NUP133: variants seen among roughly 807,000 people sequenced by gnomAD.
NUP133 encodes nuclear pore complex protein Nup133.
Under a neutral mutation model 146.2 loss-of-function variants are expected in NUP133, and 66 were observed. The ratio of observed to expected loss-of-function variants is 0.45; its 90% CI spans 0.37 to 0.55. NUP133 has a LOEUF of 0.55. NUP133 is among the 20% of genes least tolerant of loss of function. NUP133 has a pLI of 0.00. For synonymous variants in NUP133, 521 were observed against 498.8 expected (o/e 1.04, Z -0.59); for missense variants, 1,277 against 1,374.8 (o/e 0.93, Z 1.12).
At position 229,488,833 on chromosome 1, in the gene NUP133, C is replaced by T. The variant is rs147733640; in HGVS notation, c.1194+1122G>A. 3.6e-3 allele frequency among the ~76,000 whole-genome samples: 542 copies of T among 152,208 alleles called. 3 individuals are homozygous for T. The highest frequency in any genetic ancestry group is 9.2e-3 in the Admixed American group (140 of 15,286). Reference sequence around the variant, plus strand: ...CTGCACTCCAGTCCAAGCAACACAGCAAGACTTTATCTCTTCAAAAAATAA... The same window carrying T: ...CTGCACTCCAGTCCAAGCAACACAGTAAGACTTTATCTCTTCAAAAAATAA... On this transcript the variant is annotated intron_variant, in intron 9 of 25. Coordinates refer to ENST00000261396, the MANE Select transcript of NUP133 (RefSeq NM_018230.3).
chr1:229,474,865 G>A (rs1416360218), intron 14 of NUP133, among the ~76,000 whole-genome samples: 1 of 152,250 alleles, frequency 6.6e-6, no homozygotes, highest in East Asian at 1.9e-4. Context: ...CACCTTGGGA[G>A]GCTGAAGTGC....
chr1:229,498,637 T>G (rs975605057), intron 5 of NUP133, among the ~76,000 whole-genome samples: 2 of 151,928 alleles, frequency 1.3e-5, no homozygotes, highest in Non-Finnish European at 2.9e-5. Flanking sequence ...GCACCTGTAA[T>G]CCCAGCCACT....
chr1:229,501,525 C>T (rs1019678329), intron 3 of NUP133, among the ~76,000 whole-genome samples: 1 of 152,136 alleles, frequency 6.6e-6, no homozygotes, highest in African/African-American at 2.4e-5. Context: ...GCTGAGGATA[C>T]GTTACTAGAC....
intron 11 of NUP133, among the ~76,000 whole-genome samples, chr1:229,485,707 T>C (rs1158309374): frequency 6.6e-6 from 1 of 152,182 alleles, no homozygotes; most frequent in East Asian, 1.9e-4. Flanking sequence ...CTTAGATATA[T>C]GGAGAAAAAT....
At chr1:229,463,485 G>A in intron 19 of NUP133, 58 bp downstream of exon 19, 9 of 1,545,366 alleles carry the variant, frequency 5.8e-6, no homozygotes, top group Non-Finnish European at 7.8e-6. Context: ...AAATGGCAAA[G>A]CCATTTCAAG....
In NUP133 at chr1:229,460,758, G is replaced by A; in HGVS notation, c.2697C>T (p.Asp899=). 6.2e-7 allele frequency: 1 copy of A among 1,609,580 alleles called. No individual in the cohort carries two copies. The highest frequency in any genetic ancestry group is 8.5e-7 in the Non-Finnish European group (1 of 1,178,176). Residue 899 remains aspartate (D), a synonymous_variant, in exon 20 of 26, where the codon GAC becomes GAT. Coordinates refer to ENST00000261396, the MANE Select transcript of NUP133 (RefSeq NM_018230.3). The part of the protein sequence containing the change: ...MTQFADQNFS[D]FLFRWYLEKG... ...TCTCCAGATACCAACGGAAGAGAAA[G>A]TCTGAAAAATTCTACAAATAACAGA...
chr1:229,472,538 C>T (rs1026595049), intron 14 of NUP133, among the ~76,000 whole-genome samples: 1 of 150,762 alleles, frequency 6.6e-6, no homozygotes, highest in Non-Finnish European at 1.5e-5. Context: ...CAAAAAGTAG[C>T]TGATTTGGTG....
intron 8 of NUP133, among the ~76,000 whole-genome samples, chr1:229,490,934 G>A (rs1661497820): frequency 6.8e-6 from 1 of 147,676 alleles, no homozygotes; most frequent in South Asian, 2.2e-4. Flanking sequence ...CTGGGCGATA[G>A]AGTGACACCC....
chr1:229,472,880 C>T (rs1367627778), intron 14 of NUP133, among the ~76,000 whole-genome samples: 1 of 151,714 alleles, frequency 6.6e-6, no homozygotes, highest in Non-Finnish European at 1.5e-5. Flanking sequence ...TTACTTCCAC[C>T]CCCTTCAGAA....
At position 229,486,384 on chromosome 1, in the gene NUP133, C is replaced by T. The variant is rs1187026672; in HGVS notation, c.1487G>A (p.Gly496Glu). The T allele has an allele frequency of 6.3e-7, 1 of 1,583,380 alleles. No homozygotes were observed. ...LEGSLASSVAGPNSESMIFET... is the reference protein window; with the variant it reads ...LEGSLASSVAEPNSESMIFET... ...GAATCACATTACCTCACTGTTTGGT[C>T]CAGCAACTGAAGATGCTAAAGACCC... The change falls in exon 11 of 26, where the codon GGA becomes GAA. Residue 496 changes from glycine (G) to glutamate (E), a missense_variant. Transcript: ENST00000261396.
At chr1:229,463,153 C>A (rs1660729318) in intron 19 of NUP133, among the ~76,000 whole-genome samples, 1 of 152,124 alleles carries the variant, frequency 6.6e-6, no homozygotes, top group African/African-American at 2.4e-5. Context: ...CTTTGGGAGG[C>A]TGAAGCAGGA....
intron 14 of NUP133, among the ~76,000 whole-genome samples, chr1:229,472,967 T>C (rs1247376744): frequency 2.6e-5 from 4 of 151,816 alleles, no homozygotes; most frequent in African/African-American, 4.8e-5. Context: ...AAATATTCCC[T>C]AGGGCTGGGT....
chr1:229,456,837 T>C (rs1246899696), intron 21 of NUP133, among the ~76,000 whole-genome samples: 1 of 151,748 alleles, frequency 6.6e-6, no homozygotes, highest in African/African-American at 2.4e-5. Flanking sequence ...ACTTTTTTTT[T>C]TTTTTTCTGA....
At chr1:229,491,803 C>T (rs752075596) in intron 8 of NUP133, among the ~76,000 whole-genome samples, 2 of 152,020 alleles carry the variant, frequency 1.3e-5, no homozygotes, top group African/African-American at 2.4e-5. Flanking sequence ...TTAGGCCAGG[C>T]ATAGTGGCTT....
chr1:229,443,719 T>C (rs563864127), intron 25 of NUP133, among the ~76,000 whole-genome samples: 5 of 147,596 alleles, frequency 3.4e-5, no homozygotes, highest in Admixed American at 6.9e-5. Flanking sequence ...CACACACATA[T>C]ATAATTTTTT....
intron 3 of NUP133, among the ~76,000 whole-genome samples, 178 bp from the exon 4 acceptor site, chr1:229,501,041 G>C (rs1429187453): frequency 6.6e-6 from 1 of 152,142 alleles, no homozygotes; most frequent in Non-Finnish European, 1.5e-5. Flanking sequence ...TTAAAACAAA[G>C]TATCTTAAGA....
In NUP133 at chr1:229,508,173, C is replaced by T. The variant is rs775873654; in HGVS notation, c.77G>A (p.Gly26Asp). The T allele has an allele frequency of 5.0e-6, 8 of 1,590,296 alleles. No individual in the cohort carries two copies. In the South Asian group the frequency reaches 9.0e-5, roughly 18 times the overall value. ...CCTGCTAGCCGTCCGGGGCGTGGAG[C>T]CGGGCCCGAGTCCGGCCAGCGGGCC... ...RRGPLAGLGP[G>D]STPRTASRKG... The change falls in exon 1 of 26, where the codon GGC becomes GAC. Residue 26 changes from glycine to aspartate, a missense_variant. Physicochemically the swap from Gly to Asp is moderately conservative, Grantham distance 94 (BLOSUM62 -1). Transcript: ENST00000261396.
At position 229,506,105 on chromosome 1, in the gene NUP133, T is replaced by G; in HGVS notation, c.236A>C (p.Tyr79Ser). Reference protein sequence around the residue: ...PHHSITESVNYDVKTFGSSLP... With the variant: ...PHHSITESVNSDVKTFGSSLP... ...AGAAGATCCAAACGTTTTCACATCATAGTTCACAGACTCAGTTATGGAGTG... is the reference window on the plus strand; with the variant it reads ...AGAAGATCCAAACGTTTTCACATCAGAGTTCACAGACTCAGTTATGGAGTG... Residue 79 changes from tyrosine to serine, a missense_variant, in exon 2 of 26, where the codon TAT becomes TCT. By Grantham distance (144) the Tyr-to-Ser change is moderately radical. This residue lies in a region of NUP133 where 319 missense variants were observed against 306.9 expected (regional missense o/e 1.04). Coordinates refer to ENST00000261396, the MANE Select transcript of NUP133 (RefSeq NM_018230.3). 6.2e-7 allele frequency: 1 copy of G among 1,613,724 alleles called. No homozygotes were observed. Among genetic ancestry groups the G allele is most frequent in the Non-Finnish European group, 8.5e-7 (1 of 1,179,698 alleles).
chr1:229,505,585 A>C (rs1350626026), intron 2 of NUP133, among the ~76,000 whole-genome samples: 2 of 149,978 alleles, frequency 1.3e-5, no homozygotes, highest in Admixed American at 6.6e-5. Flanking sequence ...AAAAAAAAAA[A>C]AAAAAAAACT....
Sources: gnomAD v4.1 joint callset for allele counts (sites outside exome capture counted in the v4.1 genomes callset) on GRCh38, gnomAD v4.1.1 for gene constraint, gnomAD v4.1.1 regional missense constraint, MANE v1.5 for transcripts, NCBI Gene and HGNC (gene_info 2026-07-23, HGNC 2026-07-21) for gene names.